The following ASTN2 variants were observed in gnomAD, a reference collection of about 807,000 sequenced individuals.
ASTN2 encodes astrotactin 2.
In ASTN2, 54 loss-of-function variants were observed where a neutral mutation model predicts 139.8. The observed-to-expected ratio is 0.39, with a 90% CI of 0.31 to 0.48. The LOEUF is 0.48. Ranked by LOEUF, ASTN2 falls within the 20% of genes least tolerant of loss-of-function variation. ASTN2 has a pLI of 0.95. For missense variants in ASTN2, 1,565 were observed against 1,725.1 expected, an observed-to-expected ratio of 0.91 and a Z score of 1.64; for synonymous variants, 756 against 719.5, an observed-to-expected ratio of 1.05 and a Z score of -0.81.
At chr9:116,430,694 C>T (rs1290786548) in intron 22 of ASTN2, among the ~76,000 whole-genome samples, 1 of 152,146 alleles carries the variant, frequency 6.6e-6, no homozygotes, top group African/African-American at 2.4e-5. Context: ...ATGATGGCTA[C>T]AAGCAACCAA....
intron 22 of ASTN2, among the ~76,000 whole-genome samples, chr9:116,438,197 GGGACTA>G (rs1847718661): frequency 6.6e-6 from 1 of 152,130 alleles, no homozygotes; most frequent in Non-Finnish European, 1.5e-5. Context: ...CTGTCTTCCT[GGGACTA>G]TTATCACAAC....
intron 5 of ASTN2, among the ~76,000 whole-genome samples, chr9:117,083,251 C>T (rs755689983): frequency 9.9e-5 from 15 of 152,194 alleles, no homozygotes; most frequent in African/African-American, 2.9e-4. Flanking sequence ...GCATTCAAAG[C>T]GTTTCTCAAT....
chr9:117,205,749 G>A (rs1204133775), intron 3 of ASTN2, among the ~76,000 whole-genome samples: 1 of 152,172 alleles, frequency 6.6e-6, no homozygotes, highest in Non-Finnish European at 1.5e-5. Context: ...AAAAGTAGCG[G>A]TCGGTGTCTG....
chr9:116,820,793 GAGAGGGC>G lies in ASTN2; in HGVS notation c.2041-17_2041-11del. ...TCAGCTCCTCAGGGCACTGCTCAGA[GAGAGGGC>G]AACAGGGTAGTTATGGCTTGGGAGG... On this transcript the variant is annotated splice_polypyrimidine_tract_variant and intron_variant, in intron 11 of 22. Coordinates refer to ENST00000313400, the MANE Select transcript of ASTN2 (RefSeq NM_001365068.1). 3 of 1,610,054 alleles carry G rather than the reference GAGAGGGC, an allele frequency of 1.9e-6. No homozygotes were observed. Among genetic ancestry groups the G allele is most frequent in the South Asian group, 2.2e-5 (2 of 90,648 alleles).
intron 7 of ASTN2, among the ~76,000 whole-genome samples, chr9:116,989,595 T>TTG (rs1836788899): frequency 6.6e-6 from 1 of 151,730 alleles, no homozygotes. Context: ...GGTTTTTTTT[T>TTG]TTTTTTTGAT....
intron 14 of ASTN2, among the ~76,000 whole-genome samples, chr9:116,730,943 A>G (rs769084967): frequency 6.6e-6 from 1 of 152,102 alleles, no homozygotes; most frequent in Non-Finnish European, 1.5e-5. Flanking sequence ...TTTTGAGGTC[A>G]AGGTCACGGT....
chr9:116,496,713 GT>G (rs1254989823), intron 19 of ASTN2, among the ~76,000 whole-genome samples: 4 of 152,210 alleles, frequency 2.6e-5, no homozygotes, highest in Non-Finnish European at 4.4e-5. Context: ...AGAAAAAGAG[GT>G]TTAATGAACT....
At chr9:117,105,395 G>A (rs2132772770) in intron 4 of ASTN2, among the ~76,000 whole-genome samples, 1 of 152,184 alleles carries the variant, frequency 6.6e-6, no homozygotes, top group Non-Finnish European at 1.5e-5. Context: ...GCTAAGCCCA[G>A]CATTTAAGAC....
intron 3 of ASTN2, among the ~76,000 whole-genome samples, chr9:117,161,868 T>C (rs1830561571): frequency 6.8e-6 from 1 of 147,710 alleles, no homozygotes; most frequent in Non-Finnish European, 1.5e-5. Context: ...CTTTTTCTTT[T>C]TTTTTAGAAT....
chr9:117,081,071 A>G (rs1828415439), intron 5 of ASTN2, among the ~76,000 whole-genome samples: 1 of 152,154 alleles, frequency 6.6e-6, no homozygotes. Flanking sequence ...CATATGGCAA[A>G]TTTGCCCAAT....
rs753198427 is a variant in ASTN2, at chr9:117,214,421, C to T, written c.952G>A (p.Val318Met). The change falls in exon 3 of 23, where the codon GTG becomes ATG. Residue 318 changes from valine to methionine, a missense_variant. Val to Met is a conservative substitution (Grantham distance 21). This residue lies in a region of ASTN2 where 596 missense variants were observed against 576.8 expected (regional missense o/e 1.03). Coordinates refer to ENST00000313400, the MANE Select transcript of ASTN2 (RefSeq NM_001365068.1). Reference protein sequence around the residue: ...VSREDEFGSQVTHTLDSLGHP... With the variant: ...VSREDEFGSQMTHTLDSLGHP... ...CCCAGACTGTCCAGAGTGTGGGTCA[C>T]CTGGCTGCCAAACTCGTCCTCGCGG... 12 of 1,613,910 alleles carry T rather than the reference C, an allele frequency of 7.4e-6. No homozygotes were observed. Among genetic ancestry groups the T allele is most frequent in the Non-Finnish European group, 1.0e-5 (12 of 1,179,900 alleles).
At chr9:117,248,073 G>A (rs915612928) in intron 2 of ASTN2, among the ~76,000 whole-genome samples, 8 of 152,134 alleles carry the variant, frequency 5.3e-5, no homozygotes, top group African/African-American at 9.7e-5. Flanking sequence ...TCTATTTACC[G>A]AACACTGTCA....
intron 2 of ASTN2, among the ~76,000 whole-genome samples, chr9:117,237,701 G>A (rs1054811118): frequency 3.9e-5 from 6 of 152,156 alleles, no homozygotes; most frequent in African/African-American, 7.2e-5. Context: ...GGATGGTCTC[G>A]ATCTCCTGAA....
intron 22 of ASTN2, among the ~76,000 whole-genome samples, chr9:116,427,860 T>A (rs1184749853): frequency 1.3e-5 from 2 of 152,260 alleles, no homozygotes; most frequent in Non-Finnish European, 2.9e-5. Context: ...CCTGAGGAGT[T>A]TCTTTTCCAT....
chr9:117,286,106 G>A (rs1054198538), intron 2 of ASTN2, among the ~76,000 whole-genome samples: 1 of 152,002 alleles, frequency 6.6e-6, no homozygotes, highest in Non-Finnish European at 1.5e-5. Context: ...GGGGAGAGGA[G>A]GAAAGAGTAG....
intron 12 of ASTN2, among the ~76,000 whole-genome samples, chr9:116,808,525 G>A (rs1425839336): frequency 6.6e-6 from 1 of 151,982 alleles, no homozygotes; most frequent in Non-Finnish European, 1.5e-5. Context: ...TGGTTATTTG[G>A]CATTGCACAG....
At chr9:117,073,764 C>T (rs530724001) in intron 5 of ASTN2, among the ~76,000 whole-genome samples, 6 of 152,164 alleles carry the variant, frequency 3.9e-5, no homozygotes, top group Admixed American at 1.3e-4. Context: ...GGGGAGCAGG[C>T]GGTGGAATTT....
At chr9:117,215,316 A>G (rs1371634073) in intron 2 of ASTN2, among the ~76,000 whole-genome samples, 2 of 151,992 alleles carry the variant, frequency 1.3e-5, no homozygotes, top group African/African-American at 4.8e-5. Flanking sequence ...CATAGTCTGT[A>G]TTTTCTTCAT....
At chr9:116,623,409 C>T (rs1402844785) in intron 17 of ASTN2, among the ~76,000 whole-genome samples, 1 of 152,112 alleles carries the variant, frequency 6.6e-6, no homozygotes, top group Non-Finnish European at 1.5e-5. Flanking sequence ...AGAACACAAA[C>T]ACACCCTGAT....
Sources: gnomAD v4.1 joint callset for allele counts (sites outside exome capture counted in the v4.1 genomes callset) on GRCh38, gnomAD v4.1.1 for gene constraint, gnomAD v4.1.1 regional missense constraint, MANE v1.5 for transcripts, NCBI Gene and HGNC (gene_info 2026-07-23, HGNC 2026-07-21) for gene names.